Variants in SPAG1 observed in about 807,000 individuals in gnomAD.
SPAG1 encodes sperm-associated antigen 1.
In SPAG1, 69 loss-of-function variants were observed where a neutral mutation model predicts 100.5. The ratio of observed to expected loss-of-function variants is 0.69; its 90% CI spans 0.57 to 0.84. The LOEUF is 0.84. SPAG1 is among the 40% of genes least tolerant of loss of function. SPAG1 has a pLI of 0.00. For missense variants in SPAG1, 955 were observed against 1,133.1 expected, an observed-to-expected ratio of 0.84 and a Z score of 2.26; for synonymous variants, 336 against 411.6, an observed-to-expected ratio of 0.82 and a Z score of 2.22.
intron 16 of SPAG1, among the ~76,000 whole-genome samples, chr8:100,235,768 G>A (rs1362803545): frequency 6.6e-6 from 1 of 152,020 alleles, no homozygotes; most frequent in Non-Finnish European, 1.5e-5. Flanking sequence ...CCCCCGTGCT[G>A]CCCTGTGACC....
At chr8:100,209,693 A>C (rs1315664373) in intron 10 of SPAG1, among the ~76,000 whole-genome samples, 1 of 152,066 alleles carries the variant, frequency 6.6e-6, no homozygotes, top group East Asian at 1.9e-4. Context: ...TCTTAAAGCA[A>C]TACTTTTATC....
rs1816511232 is a variant in SPAG1 at position 100,184,695 on chromosome 8, C to T, written c.663C>T (p.Asn221=). Residue 221 remains asparagine, a synonymous_variant, in exon 7 of 19, where the codon AAC becomes AAT. Transcript: ENST00000388798. ...REKEKGNEAF[N]SGDYEEAVMY... Reference sequence around the variant, plus strand: ...AGGAGAAAGGAAATGAAGCTTTCAACTCAGGAGATTATGAAGAAGCAGTGA... The same window carrying T: ...AGGAGAAAGGAAATGAAGCTTTCAATTCAGGAGATTATGAAGAAGCAGTGA... 1 of 1,586,774 alleles carries T rather than the reference C, an allele frequency of 6.3e-7. No individual in the cohort carries two copies. The highest frequency in any genetic ancestry group is 1.4e-5 in the African/African-American group (1 of 72,936).
At chr8:100,221,182 A>T (rs925240629) in intron 13 of SPAG1, among the ~76,000 whole-genome samples, 4 of 152,244 alleles carry the variant, frequency 2.6e-5, no homozygotes, top group African/African-American at 4.8e-5. Flanking sequence ...CAGGATTTGC[A>T]GGTGTTCATT....
rs1817805929 is a variant in SPAG1, at chr8:100,213,178, C to A, written c.1185C>A (p.Gly395=). 2 of 1,471,006 alleles carry A rather than the reference C, an allele frequency of 1.4e-6. No homozygotes were observed. The highest frequency in any genetic ancestry group is 1.3e-5 in the South Asian group (1 of 78,576). The allele number at this position is 1,471,006 out of a possible 1,614,324, so 91.1% of individuals were successfully genotyped here. A position where few individuals can be genotyped will look rare whatever the true frequency, so the allele number is the denominator to read the frequency against. The change falls in exon 11 of 19, where the codon GGC becomes GGA. Residue 395 remains glycine (G), a synonymous_variant. Transcript: ENST00000388798. Reference sequence around the variant, plus strand: ...AGAAGCTGACTGGCAAAGCCGAAGGCGGCAAGCGGCCGGCAAGGGGCGCGC... The same window carrying A: ...AGAAGCTGACTGGCAAAGCCGAAGGAGGCAAGCGGCCGGCAAGGGGCGCGC... ...IQKKLTGKAE[G]GKRPARGAPQ...
intron 10 of SPAG1, among the ~76,000 whole-genome samples, chr8:100,195,219 T>C (rs1816985457): frequency 6.6e-6 from 1 of 151,460 alleles, no homozygotes; most frequent in South Asian, 2.1e-4. Context: ...TGAGAACACC[T>C]GAGCAACTGG....
intron 16 of SPAG1, among the ~76,000 whole-genome samples, chr8:100,235,631 G>A (rs1237747123): frequency 6.6e-6 from 1 of 152,174 alleles, no homozygotes; most frequent in Non-Finnish European, 1.5e-5. Context: ...AGGTTCTGCA[G>A]GGAGAAGAGC....
intron 14 of SPAG1, among the ~76,000 whole-genome samples, chr8:100,227,479 A>G (rs1417920458): frequency 1.3e-5 from 2 of 152,190 alleles, no homozygotes; most frequent in Non-Finnish European, 2.9e-5. Context: ...CAGACAGGGA[A>G]TATCTGCCAA....
At position 100,241,105 on chromosome 8, in the gene SPAG1, G is replaced by A. The variant is rs902987090; in HGVS notation, c.*83G>A. 1.4e-6 allele frequency: 2 copies of A among 1,466,724 alleles called. No individual in the cohort carries two copies. Among genetic ancestry groups the A allele is most frequent in the Admixed American group, 2.2e-5 (1 of 45,296 alleles). The allele number at this position is 1,466,724 out of a possible 1,614,324, so 90.9% of individuals were successfully genotyped here. A position where few individuals can be genotyped will look rare whatever the true frequency, so the allele number is the denominator to read the frequency against. On this transcript the variant is annotated 3_prime_UTR_variant, in exon 19 of 19. Transcript: ENST00000388798. This position sits in a 1 kb window ranked among gnomAD's most constrained non-coding sequence, Gnocchi z 5.1. ...GATGGTATTGTAAAAGAGTTGCATG[G>A]ATAAAACTTGGCCTAGAAAAGTTTG...
intron 8 of SPAG1, among the ~76,000 whole-genome samples, chr8:100,190,663 C>CTTTTTTTTTTT (rs758612610): frequency 1.2e-4 from 13 of 111,802 alleles, no homozygotes; most frequent in Non-Finnish European, 1.2e-4. Context: ...CTTTTTTTTT[C>CTTTTTTTTTTT]TTTTTTTTTT....
rs1819213979 is a variant in SPAG1 at position 100,240,514 on chromosome 8, C to T, written c.2392C>T (p.Leu798Phe). 6.2e-7 allele frequency: 1 copy of T among 1,614,172 alleles called. No individual in the cohort carries two copies. Among genetic ancestry groups the T allele is most frequent in the Non-Finnish European group, 8.5e-7 (1 of 1,180,024 alleles). Residue 798 changes from leucine to phenylalanine, a missense_variant, in exon 18 of 19, where the codon CTT becomes TTT. Transcript: ENST00000388798. ...CAGGTCACCAGAAGACCCTGAGAAA[C>T]TTCCGATAGCCAAGCCTAATAATGC... Reference protein sequence around the residue: ...SSRSPEDPEKLPIAKPNNAYE... With the variant: ...SSRSPEDPEKFPIAKPNNAYE...
At chr8:100,236,512 G>A (rs1208236255) in intron 16 of SPAG1, among the ~76,000 whole-genome samples, 1 of 152,144 alleles carries the variant, frequency 6.6e-6, no homozygotes. Flanking sequence ...AGGCCTGTTT[G>A]CCCAGGGTGA....
intron 10 of SPAG1, among the ~76,000 whole-genome samples, chr8:100,209,827 T>C (rs1044203568): frequency 6.6e-6 from 1 of 152,124 alleles, no homozygotes; most frequent in African/African-American, 2.4e-5. Context: ...TTTTGGCTTG[T>C]TGATCTTATA....
Position 100,239,681 on chromosome 8 carries a change from A to G in SPAG1, c.2280+277A>G, listed in dbSNP as rs1298403244. Among the ~76,000 whole-genome samples the G allele has an allele frequency of 6.6e-6, 1 of 152,200 alleles. No homozygotes were observed. The highest frequency in any genetic ancestry group is 1.5e-5 in the Non-Finnish European group (1 of 68,036). ...CTGTACTGCTCCCACTCCAGAGTAC[A>G]CTGGGAACCAGCGGCCACTGACTTT... On this transcript the variant is annotated intron_variant, in intron 17 of 18. Transcript: ENST00000388798. The surrounding 1 kb of genome is among the most constrained non-coding windows in gnomAD (Gnocchi z 5.0).
intron 11 of SPAG1, 72 bp from the exon 12 acceptor site, chr8:100,213,747 C>T: frequency 4.2e-6 from 4 of 960,074 alleles, no homozygotes; most frequent in African/African-American, 1.6e-5. Flanking sequence ...AGACCTCGGC[C>T]GTCTTGTAAT....
intron 3 of SPAG1, 133 bp from the exon 4 acceptor site, chr8:100,177,683 T>C: frequency 2.2e-6 from 1 of 453,926 alleles, no homozygotes; most frequent in Non-Finnish European, 3.7e-6. Context: ...CCAATATTTT[T>C]ACTGAAAAAA....
At chr8:100,210,338 G>A (rs898633147) in intron 10 of SPAG1, among the ~76,000 whole-genome samples, 5 of 152,028 alleles carry the variant, frequency 3.3e-5, no homozygotes, top group Admixed American at 1.3e-4. Context: ...AACTACCTTT[G>A]TATTCCTGGG....
Position 100,240,790 on chromosome 8 carries a change from T to C in SPAG1, c.2649+19T>C. 1 of 1,569,196 alleles carries C rather than the reference T, an allele frequency of 6.4e-7. No homozygotes were observed. Among genetic ancestry groups the C allele is most frequent in the Non-Finnish European group, 8.6e-7 (1 of 1,163,010 alleles). On this transcript the variant is annotated intron_variant, in intron 18 of 18. Transcript: ENST00000388798. ...GTTTAAGGTAAGTGGCTAAGTATTTTATTAGTAGAAATTGGTTTTATTAGG... is the reference window on the plus strand; with the variant it reads ...GTTTAAGGTAAGTGGCTAAGTATTTCATTAGTAGAAATTGGTTTTATTAGG...
In SPAG1 at chr8:100,162,345, T is replaced by C; in HGVS notation, c.65T>C (p.Ile22Thr). The change falls in exon 2 of 19, where the codon ATT (isoleucine) becomes ACT (threonine). Residue 22 changes from isoleucine (I) to threonine (T), a missense_variant. Physicochemically the swap from Ile to Thr is moderately conservative, Grantham distance 89. Transcript: ENST00000388798. ...ACAACAAAAACATTCAAAATTCCCATTGAACATCTAGATTTCAAATACATT... is the reference window on the plus strand; with the variant it reads ...ACAACAAAAACATTCAAAATTCCCACTGAACATCTAGATTTCAAATACATT... ...FGTTKTFKIP[I>T]EHLDFKYIEK... The C allele has an allele frequency of 6.2e-7, 1 of 1,602,070 alleles. No homozygotes were observed. The highest frequency in any genetic ancestry group is 8.5e-7 in the Non-Finnish European group (1 of 1,175,296).
At chr8:100,179,680 A>G (rs1274082594) in intron 4 of SPAG1, among the ~76,000 whole-genome samples, 1 of 152,230 alleles carries the variant, frequency 6.6e-6, no homozygotes, top group Non-Finnish European at 1.5e-5. Flanking sequence ...CACGTTGTAT[A>G]TACAGTAAAA....
Sources: allele counts gnomAD v4.1 joint callset (sites outside exome capture counted in the v4.1 genomes callset), GRCh38; gene constraint gnomAD v4.1.1; non-coding constraint Gnocchi (gnomAD v3.1); transcripts MANE v1.5; gene names NCBI Gene and HGNC (gene_info 2026-07-23, HGNC 2026-07-21).